PDE10A: variants seen among roughly 807,000 people sequenced by gnomAD.
PDE10A encodes the protein cAMP and cAMP-inhibited cGMP 3',5'-cyclic phosphodiesterase 10A.
In PDE10A, 39 loss-of-function variants were observed where a neutral mutation model predicts 97.7. The observed-to-expected ratio is 0.40, with a 90% CI of 0.31 to 0.52. The LOEUF (loss-of-function observed/expected upper bound fraction) is 0.52. Among genes scored for constraint, PDE10A ranks in the 20% least tolerant of loss-of-function variants. The pLI is 0.56. For synonymous variants in PDE10A, 371 were observed against 376.8 expected, an observed-to-expected ratio of 0.98 and a Z score of 0.18; for missense variants, 731 against 1,047.8, an observed-to-expected ratio of 0.70 and a Z score of 4.17.
chr6:165,971,190 C>CT (rs1784661126), intron 1 of PDE10A, among the ~76,000 whole-genome samples: 1 of 151,820 alleles, frequency 6.6e-6, no homozygotes, highest in Non-Finnish European at 1.5e-5. Context: ...GTAGAAATCG[C>CT]TATAAAGAAA....
At chr6:165,572,703 C>A (rs1446144834) in intron 1 of PDE10A, among the ~76,000 whole-genome samples, 1 of 152,176 alleles carries the variant, frequency 6.6e-6, no homozygotes, top group East Asian at 1.9e-4. Flanking sequence ...GAGTTTGAGA[C>A]CAGCCTGAGC....
At chr6:165,485,738 G>A (rs189088490) in intron 2 of PDE10A, among the ~76,000 whole-genome samples, 1,783 of 151,754 alleles carry the variant, frequency 0.012, 20 homozygotes, top group Middle Eastern at 0.027. Context: ...GACTGCAGGC[G>A]CCCGCCACCA....
chr6:165,924,200 A>G (rs556882617), intron 1 of PDE10A, among the ~76,000 whole-genome samples: 2 of 152,320 alleles, frequency 1.3e-5, no homozygotes, highest in South Asian at 4.1e-4. Context: ...TGGATAAAAT[A>G]TCTCTCTCTG....
chr6:165,511,997 C>T (rs1224457192), intron 2 of PDE10A, among the ~76,000 whole-genome samples: 1 of 151,912 alleles, frequency 6.6e-6, no homozygotes. Context: ...ATAACTTTTT[C>T]AGTAGAGATT....
intron 1 of PDE10A, among the ~76,000 whole-genome samples, chr6:165,693,063 T>TC (rs988370083): frequency 2.0e-5 from 3 of 152,062 alleles, no homozygotes; most frequent in African/African-American, 7.2e-5. Flanking sequence ...CATTTTAATT[T>TC]AAAAAAAATC....
chr6:165,449,181 T>C (rs1440889216), intron 4 of PDE10A, among the ~76,000 whole-genome samples: 11 of 152,194 alleles, frequency 7.2e-5, no homozygotes, highest in Admixed American at 7.2e-4. Flanking sequence ...CATCAGTGAG[T>C]ATAAAATTTA....
intron 1 of PDE10A, among the ~76,000 whole-genome samples, chr6:165,907,278 C>T (rs1289345917): frequency 1.3e-5 from 2 of 152,170 alleles, no homozygotes; most frequent in Admixed American, 6.5e-5. Flanking sequence ...ATTCAGGATC[C>T]GGGCCATCAC....
intron 18 of PDE10A, among the ~76,000 whole-genome samples, chr6:165,357,248 T>C (rs1783085587): frequency 6.6e-6 from 1 of 152,190 alleles, no homozygotes; most frequent in Non-Finnish European, 1.5e-5. Flanking sequence ...TTGTTATATG[T>C]GATTGAACAT....
intron 1 of PDE10A, among the ~76,000 whole-genome samples, chr6:165,833,782 A>G (rs1350217863): frequency 6.6e-6 from 1 of 152,230 alleles, no homozygotes; most frequent in Non-Finnish European, 1.5e-5. Context: ...CTTCCATTCC[A>G]GGTAAGAGTT....
chr6:165,637,055 T>C (rs1788912353), intron 1 of PDE10A, among the ~76,000 whole-genome samples: 2 of 152,210 alleles, frequency 1.3e-5, no homozygotes, highest in South Asian at 4.1e-4. Flanking sequence ...ATTATTTAAT[T>C]AATTTAACCC....
intron 2 of PDE10A, among the ~76,000 whole-genome samples, chr6:165,542,382 T>A (rs1345268179): frequency 6.6e-6 from 1 of 152,154 alleles, no homozygotes; most frequent in Non-Finnish European, 1.5e-5. Context: ...TTTGAGCCTC[T>A]AGTTCTTTAT....
chr6:165,503,636 C>T (rs1231186447), intron 2 of PDE10A, among the ~76,000 whole-genome samples: 2 of 152,060 alleles, frequency 1.3e-5, no homozygotes, highest in Non-Finnish European at 2.9e-5. Context: ...CTAAGTTTCC[C>T]AATATATCCA....
chr6:165,987,763 C>G, exon 1 of PDE10A: 1 of 455,812 alleles, frequency 2.2e-6, no homozygotes, highest in South Asian at 1.6e-5. Flanking sequence ...ATTCCAAAGG[C>G]TTGGGGCACT....
intron 1 of PDE10A, among the ~76,000 whole-genome samples, chr6:165,624,050 C>A (rs369404086): frequency 6.6e-6 from 1 of 152,222 alleles, no homozygotes; most frequent in Non-Finnish European, 1.5e-5. Flanking sequence ...TCAAACTCTG[C>A]TTCTGTCATT....
At chr6:165,365,270 A>C (rs1226820038) in intron 18 of PDE10A, among the ~76,000 whole-genome samples, 3 of 152,204 alleles carry the variant, frequency 2.0e-5, no homozygotes, top group Non-Finnish European at 4.4e-5. Context: ...TTTTTTATGA[A>C]GTTTTAAATC....
intron 1 of PDE10A, among the ~76,000 whole-genome samples, chr6:165,547,194 C>T (rs1783781985): frequency 2.0e-5 from 3 of 152,096 alleles, no homozygotes; most frequent in Admixed American, 2.0e-4. Flanking sequence ...AAACTACAAC[C>T]TTTCATCTAC....
At chr6:165,830,215 T>C (rs1345854251) in intron 1 of PDE10A, among the ~76,000 whole-genome samples, 1 of 152,190 alleles carries the variant, frequency 6.6e-6, no homozygotes, top group Non-Finnish European at 1.5e-5. Context: ...CTGTATCATT[T>C]TCTCCATGAA....
At chr6:165,826,031 T>C (rs182194283) in intron 1 of PDE10A, among the ~76,000 whole-genome samples, 159 of 152,350 alleles carry the variant, frequency 1.0e-3, no homozygotes, top group African/African-American at 3.6e-3. Context: ...AGACACCCCC[T>C]GTGACCTCAG....
chr6:165,543,690 G>C, intron 1 of PDE10A, 122 bp from the exon 2 acceptor site: 1 of 686,002 alleles, frequency 1.5e-6, no homozygotes, highest in Non-Finnish European at 2.3e-6. Context: ...AGAGAGGGCT[G>C]GAAAGAGCGG....
Sources: allele counts gnomAD v4.1 joint callset (sites outside exome capture counted in the v4.1 genomes callset), GRCh38; gene constraint gnomAD v4.1.1; transcripts MANE v1.5; gene names NCBI Gene and HGNC (gene_info 2026-07-23, HGNC 2026-07-21).